Variants in ATF7 observed in about 807,000 individuals in gnomAD.
The protein encoded by ATF7 is cyclic AMP-dependent transcription factor ATF-7.
In ATF7, 10 loss-of-function variants were observed where a neutral mutation model predicts 50.4. That is an observed-to-expected ratio of 0.20 (90% CI 0.12 to 0.34). ATF7 has a LOEUF of 0.34. Among genes scored for constraint, ATF7 ranks in the 10% least tolerant of loss-of-function variants. The probability of loss-of-function intolerance (pLI) is 1.00; values close to 1 mark genes in which losing one functional copy is unlikely to be tolerated. For missense variants in ATF7, 465 were observed against 613.9 expected (o/e 0.76, Z 2.56); for synonymous variants, 201 against 226.4 (o/e 0.89, Z 1.01).
chr12:53,620,269 T>C (rs1002829722), intron 1 of ATF7, among the ~76,000 whole-genome samples: 5 of 151,076 alleles, frequency 3.3e-5, no homozygotes, highest in Non-Finnish European at 7.4e-5. Context: ...TGAAAACCCA[T>C]ATCTACTAAA....
chr12:53,615,046 C>T (rs61921132), intron 1 of ATF7, among the ~76,000 whole-genome samples: 9,941 of 151,832 alleles, frequency 0.065, 451 homozygotes, highest in Non-Finnish European at 0.1. Flanking sequence ...TGCCACTGCA[C>T]TCTAGCCTGG....
chr12:53,608,589 A>G (rs774717144), intron 1 of ATF7, among the ~76,000 whole-genome samples: 3 of 152,196 alleles, frequency 2.0e-5, no homozygotes, highest in Non-Finnish European at 2.9e-5. Context: ...GGGAATATAG[A>G]GCTGAAACCA....
chr12:53,617,524 G>C (rs1017662254), intron 1 of ATF7, among the ~76,000 whole-genome samples: 3 of 152,160 alleles, frequency 2.0e-5, no homozygotes, highest in Non-Finnish European at 4.4e-5. Context: ...AGCTACTCGG[G>C]AGGCTGAGGC....
chr12:53,513,232 G>C lies in ATF7; in HGVS notation c.*3905C>G, dbSNP rs1189516298. On this transcript the variant is annotated 3_prime_UTR_variant, in exon 12 of 12. Transcript: ENST00000420353. The stretch of plus-strand genomic sequence containing the variant: ...CTGGGGTAGGACTTTACCCCAAAGA[G>C]AGACAACACAGCTGATGCAGACGGT... 1 of 152,198 alleles carries C rather than the reference G, an allele frequency of 6.6e-6. No individual in the cohort carries two copies. The highest frequency in any genetic ancestry group is 1.5e-5 in the Non-Finnish European group (1 of 68,042). 9.4% of individuals were successfully genotyped at this position (152,198 alleles called of 1,614,324 possible).
chr12:53,616,982 C>T (rs1166233355), intron 1 of ATF7, among the ~76,000 whole-genome samples: 1 of 149,798 alleles, frequency 6.7e-6, no homozygotes, highest in Non-Finnish European at 1.5e-5. Flanking sequence ...AAGCTAACAA[C>T]CTGAAGTCAA....
intron 3 of ATF7, 48 bp from the exon 4 acceptor site, chr12:53,543,496 TA>T: frequency 6.8e-7 from 1 of 1,469,992 alleles, no homozygotes; most frequent in Non-Finnish European, 9.2e-7. Context: ...GATCTGAAAT[TA>T]AAACTTGATA....
At chr12:53,544,136 G>A (rs964223848) in intron 3 of ATF7, among the ~76,000 whole-genome samples, 3 of 152,170 alleles carry the variant, frequency 2.0e-5, no homozygotes, top group African/African-American at 7.2e-5. Context: ...CAGGGTATTC[G>A]GATTTAGATT....
At chr12:53,526,385 C>T (rs1455665043) in intron 9 of ATF7, among the ~76,000 whole-genome samples, 1 of 151,916 alleles carries the variant, frequency 6.6e-6, no homozygotes, top group East Asian at 1.9e-4. Flanking sequence ...TGATACTCCA[C>T]TTCTATTTTA....
At chr12:53,533,071 C>G in intron 7 of ATF7, 89 bp downstream of exon 7, 10 of 1,203,144 alleles carry the variant, frequency 8.3e-6, no homozygotes, top group Admixed American at 2.0e-5. Flanking sequence ...CCACATTTCC[C>G]TGGGGCTCAT....
intron 11 of ATF7, among the ~76,000 whole-genome samples, chr12:53,521,659 T>G (rs1043396379): frequency 7.2e-5 from 11 of 152,236 alleles, no homozygotes; most frequent in Non-Finnish European, 1.5e-4. Context: ...TCTTCTAACA[T>G]TTACTGTTAT....
intron 2 of ATF7, among the ~76,000 whole-genome samples, chr12:53,598,479 T>C (rs1189605924): frequency 6.6e-6 from 1 of 152,076 alleles, no homozygotes; most frequent in Non-Finnish European, 1.5e-5. Context: ...TTATAATGAA[T>C]CCTAATAACC....
At chr12:53,592,148 G>C (rs761467955) in intron 2 of ATF7, among the ~76,000 whole-genome samples, 3 of 152,212 alleles carry the variant, frequency 2.0e-5, no homozygotes, top group Admixed American at 6.5e-5. Context: ...CACATGGTGT[G>C]CCAGACTGGG....
chr12:53,541,645 A>G (rs7959058), intron 4 of ATF7, among the ~76,000 whole-genome samples: 1 of 152,168 alleles, frequency 6.6e-6, no homozygotes, highest in South Asian at 2.1e-4. Flanking sequence ...AATCCCCTCT[A>G]CAATATCTCT....
At chr12:53,539,714 GAATGAATGAATGAATGA>G (rs986746468) in intron 4 of ATF7, among the ~76,000 whole-genome samples, 2 of 150,524 alleles carry the variant, frequency 1.3e-5, no homozygotes, top group East Asian at 2.0e-4. Flanking sequence ...ATGAATGAAT[GAATGAATGAATGAATGA>G]AAAAAAATGA....
chr12:53,529,606 G>A (rs1938720641), intron 9 of ATF7, among the ~76,000 whole-genome samples: 2 of 150,436 alleles, frequency 1.3e-5, no homozygotes, highest in African/African-American at 4.9e-5. Context: ...CTACAGCTGT[G>A]AGCTACCGCA....
At chr12:53,534,699 G>T in intron 5 of ATF7, 40 bp from the exon 6 acceptor site, 1 of 1,595,410 alleles carries the variant, frequency 6.3e-7, no homozygotes, top group Non-Finnish European at 8.5e-7. Context: ...ATGTTTTAAG[G>T]TGTGCTTATA....
chr12:53,560,110 G>T (rs1378221358), intron 2 of ATF7, among the ~76,000 whole-genome samples: 1 of 151,928 alleles, frequency 6.6e-6, no homozygotes, highest in East Asian at 1.9e-4. Context: ...TTTTAGTAGA[G>T]ACAGGGTTTC....
intron 2 of ATF7, among the ~76,000 whole-genome samples, chr12:53,569,718 A>T: frequency 6.6e-6 from 1 of 151,386 alleles, no homozygotes. Context: ...TCTGTCGCCC[A>T]GGCTGGAGTG....
intron 1 of ATF7, among the ~76,000 whole-genome samples, chr12:53,624,122 T>C (rs1331316332): frequency 6.6e-6 from 1 of 152,236 alleles, no homozygotes; most frequent in East Asian, 1.9e-4. Context: ...CAAGGGACTC[T>C]GCTCTCTCAC....
Sources: gnomAD v4.1 joint callset for allele counts (sites outside exome capture counted in the v4.1 genomes callset) on GRCh38, gnomAD v4.1.1 for gene constraint, MANE v1.5 for transcripts, NCBI Gene and HGNC (gene_info 2026-07-23, HGNC 2026-07-21) for gene names.